Variants in FRMD5 observed in about 807,000 individuals in gnomAD.
FRMD5 encodes FERM domain containing 5.
Under a neutral mutation model 69.0 loss-of-function variants are expected in FRMD5, and 20 were observed. The observed-to-expected ratio is 0.29, with a 90% CI of 0.20 to 0.42. The LOEUF (loss-of-function observed/expected upper bound fraction) is 0.42, where lower values mean the gene tolerates loss of function less well. FRMD5 is among the 10% of genes least tolerant of loss of function. FRMD5 has a pLI of 1.00. For synonymous variants in FRMD5, 271 were observed against 260.1 expected, an observed-to-expected ratio of 1.04 and a Z score of -0.40; for missense variants, 595 against 708.6, an observed-to-expected ratio of 0.84 and a Z score of 1.82.
intron 1 of FRMD5, among the ~76,000 whole-genome samples, chr15:44,050,450 C>T (rs1892609481): frequency 6.6e-6 from 1 of 150,812 alleles, no homozygotes. Context: ...GCCTTAACCT[C>T]CTGAGCTCAA....
At chr15:44,183,913 C>A (rs926284280) in intron 1 of FRMD5, among the ~76,000 whole-genome samples, 2 of 150,960 alleles carry the variant, frequency 1.3e-5, no homozygotes, top group South Asian at 4.2e-4. Flanking sequence ...ACCCAGGATG[C>A]GGAGGTTGCA....
At chr15:43,991,808 C>A (rs74499991) in intron 1 of FRMD5, among the ~76,000 whole-genome samples, 2 of 152,172 alleles carry the variant, frequency 1.3e-5, no homozygotes, top group African/African-American at 4.8e-5. Context: ...ATTAGCTCTG[C>A]TAAACTCGAA....
intron 2 of FRMD5, among the ~76,000 whole-genome samples, chr15:43,922,763 C>T (rs1046620302): frequency 2.0e-5 from 3 of 151,816 alleles, no homozygotes; most frequent in Non-Finnish European, 2.9e-5. Flanking sequence ...CTCCACCTCC[C>T]GGGTTCGAGT....
chr15:44,090,918 T>C (rs545655557), intron 1 of FRMD5, among the ~76,000 whole-genome samples: 8 of 152,222 alleles, frequency 5.3e-5, no homozygotes, highest in East Asian at 3.9e-4. Flanking sequence ...AGCCTGCAAA[T>C]ACCCAATCTG....
intron 7 of FRMD5, among the ~76,000 whole-genome samples, chr15:43,897,471 G>C (rs892342443): frequency 9.0e-6 from 1 of 111,688 alleles, no homozygotes; most frequent in Non-Finnish European, 1.7e-5. Flanking sequence ...TGGGCAACAA[G>C]AGTGACACTC....
chr15:44,165,952 A>T (rs191445809), intron 1 of FRMD5, among the ~76,000 whole-genome samples: 33 of 152,332 alleles, frequency 2.2e-4, no homozygotes, highest in Admixed American at 1.4e-3. Flanking sequence ...CACTATTATA[A>T]ATAATTTTCT....
At chr15:43,972,478 C>T (rs2090396066) in intron 1 of FRMD5, among the ~76,000 whole-genome samples, 2 of 151,980 alleles carry the variant, frequency 1.3e-5, no homozygotes, top group Admixed American at 6.6e-5. Flanking sequence ...TGATCTCTCA[C>T]CTGATAAGAA....
intron 1 of FRMD5, among the ~76,000 whole-genome samples, chr15:44,183,931 A>C (rs557736558): frequency 6.6e-6 from 1 of 151,720 alleles, no homozygotes; most frequent in South Asian, 2.1e-4. Flanking sequence ...GCAGTGAGTC[A>C]AGATTGCGCC....
intron 1 of FRMD5, among the ~76,000 whole-genome samples, chr15:44,016,420 T>C (rs1890959102): frequency 6.6e-6 from 1 of 152,132 alleles, no homozygotes; most frequent in Non-Finnish European, 1.5e-5. Flanking sequence ...AACTACCATT[T>C]CTGGCAAATG....
intron 1 of FRMD5, among the ~76,000 whole-genome samples, chr15:43,961,732 A>G (rs538845678): frequency 1.3e-5 from 2 of 152,350 alleles, no homozygotes; most frequent in Non-Finnish European, 2.9e-5. Flanking sequence ...CATCCCTGGG[A>G]TGCAAGGCTG....
chr15:44,010,527 AGCTG>A (rs952228378), intron 1 of FRMD5, among the ~76,000 whole-genome samples: 2 of 151,378 alleles, frequency 1.3e-5, no homozygotes. Flanking sequence ...CCTCCTGAGT[AGCTG>A]GCTAATTAAT....
chr15:44,094,802 C>A (rs1321248863), intron 1 of FRMD5, among the ~76,000 whole-genome samples: 5 of 152,008 alleles, frequency 3.3e-5, no homozygotes, highest in African/African-American at 9.7e-5. Context: ...AGTTCAAAAG[C>A]CATTTTTCAT....
intron 1 of FRMD5, among the ~76,000 whole-genome samples, chr15:44,115,699 C>T (rs1475415270): frequency 6.6e-6 from 1 of 152,106 alleles, no homozygotes; most frequent in Non-Finnish European, 1.5e-5. Context: ...GAGTGCTAAG[C>T]AGATCACAGA....
At chr15:44,031,050 G>A (rs191787884) in intron 1 of FRMD5, among the ~76,000 whole-genome samples, 2 of 152,078 alleles carry the variant, frequency 1.3e-5, no homozygotes, top group East Asian at 3.9e-4. Context: ...CAAAAGCTCT[G>A]GCCAAGTGAC....
chr15:43,912,532 G>A (rs573622452), intron 4 of FRMD5, among the ~76,000 whole-genome samples: 307 of 152,000 alleles, frequency 2.0e-3, no homozygotes, highest in Admixed American at 4.8e-3. Context: ...CTGGATTCAC[G>A]CATCACGTCT....
intron 1 of FRMD5, among the ~76,000 whole-genome samples, chr15:44,151,342 A>G (rs906406095): frequency 6.6e-6 from 1 of 151,238 alleles, no homozygotes; most frequent in African/African-American, 2.4e-5. Context: ...GCTTGCAGTG[A>G]GCCAAGATCG....
intron 1 of FRMD5, among the ~76,000 whole-genome samples, chr15:44,076,939 T>C (rs1893797008): frequency 6.6e-6 from 1 of 151,936 alleles, no homozygotes; most frequent in South Asian, 2.1e-4. Context: ...AATTCAACCA[T>C]CACATGTATT....
chr15:43,958,499 C>T (rs562021939), intron 1 of FRMD5, among the ~76,000 whole-genome samples: 11 of 152,338 alleles, frequency 7.2e-5, no homozygotes, highest in Middle Eastern at 3.4e-3. Flanking sequence ...CAATCACGAT[C>T]GTGGCTCATT....
At chr15:43,972,368 G>T (rs2090394325) in intron 1 of FRMD5, among the ~76,000 whole-genome samples, 1 of 152,032 alleles carries the variant, frequency 6.6e-6, no homozygotes, top group Non-Finnish European at 1.5e-5. Context: ...TTGTTTGCTT[G>T]GATTTTCTTC....
Sources: gnomAD v4.1 joint callset for allele counts (sites outside exome capture counted in the v4.1 genomes callset) on GRCh38, gnomAD v4.1.1 for gene constraint, MANE v1.5 for transcripts, NCBI Gene and HGNC (gene_info 2026-07-23, HGNC 2026-07-21) for gene names.